TNR: variants seen among roughly 807,000 people sequenced by gnomAD.
TNR encodes the protein tenascin R.
TNR carries 45 observed loss-of-function variants against 150.4 expected under a neutral mutation model. The ratio of observed to expected loss-of-function variants is 0.30; its 90% CI spans 0.24 to 0.38. The LOEUF (loss-of-function observed/expected upper bound fraction) is 0.38, where lower values mean the gene tolerates loss of function less well. TNR is among the 10% of genes least tolerant of loss of function. The probability of loss-of-function intolerance (pLI) is 1.00; values close to 1 mark genes in which losing one functional copy is unlikely to be tolerated. For missense variants in TNR, 1,544 were observed against 1,759.1 expected (o/e 0.88, Z 2.19); for synonymous variants, 687 against 678.4 (o/e 1.01, Z -0.20).
chr1:175,335,865 A>G, intron 19 of TNR, 58 bp from the exon 20 acceptor site: 2 of 1,470,280 alleles, frequency 1.4e-6, no homozygotes, highest in Non-Finnish European at 1.9e-6. Context: ...ACCCAAAGAG[A>G]TGCTAAGGAA....
chr1:175,629,664 G>A (rs531757058), intron 1 of TNR, among the ~76,000 whole-genome samples: 7 of 152,136 alleles, frequency 4.6e-5, no homozygotes, highest in Non-Finnish European at 1.0e-4. Context: ...CGGCCTCAGA[G>A]TCAGTACTGA....
At position 175,330,999 on chromosome 1, in the gene TNR, T is replaced by TTCTC. The variant is rs1437406046; in HGVS notation, c.3632-765_3632-764insGAGA. 2.4e-4 allele frequency among the ~76,000 whole-genome samples: 5 copies of TTCTC among 20,800 alleles called. No individual in the cohort carries two copies. The South Asian group carries it at 6.1e-3, about 25-fold the overall frequency. The allele number at this position is 20,800 out of a possible 152,430, so 13.6% of individuals were successfully genotyped here. On this transcript the variant is annotated intron_variant, in intron 20 of 22. Transcript: ENST00000367674. ...GCAGAGTCCAGATCCCTCTTGGTGA[T>TTCTC]TCTTTCTTTCTTTCTTTCTTTCTTT...
rs1293717176 is a variant in TNR at position 175,396,701 on chromosome 1, C to T, written c.1083G>A (p.Pro361=). 4.3e-6 allele frequency: 7 copies of T among 1,614,090 alleles called. No homozygotes were observed. Among genetic ancestry groups the T allele is most frequent in the Admixed American group, 1.7e-5 (1 of 60,010 alleles). The change falls in exon 5 of 23, where the codon CCG becomes CCA. Residue 361 remains proline, a synonymous_variant. Transcript: ENST00000367674. ...AVTEYVISYQ[P]TALGGLQLQQ... Reference sequence around the variant, plus strand: ...GGAGCTGGAGGCCCCCCAGGGCCGTCGGCTGGTAAGAGATCACATATTCCG... The same window carrying T: ...GGAGCTGGAGGCCCCCCAGGGCCGTTGGCTGGTAAGAGATCACATATTCCG...
At chr1:175,440,071 C>A (rs572196934) in intron 2 of TNR, among the ~76,000 whole-genome samples, 5 of 152,274 alleles carry the variant, frequency 3.3e-5, no homozygotes, top group Admixed American at 3.3e-4. Flanking sequence ...AAGACACATG[C>A]ACAGGTATGT....
At chr1:175,531,046 C>A (rs1010130175) in intron 1 of TNR, among the ~76,000 whole-genome samples, 3 of 152,190 alleles carry the variant, frequency 2.0e-5, no homozygotes, top group Non-Finnish European at 2.9e-5. Context: ...TCAGGGCATG[C>A]ACCTCCAAAG....
intron 2 of TNR, among the ~76,000 whole-genome samples, chr1:175,467,857 T>C (rs1390568426): frequency 6.6e-6 from 1 of 152,212 alleles, no homozygotes; most frequent in Admixed American, 6.5e-5. Context: ...TACTCGTTAA[T>C]ATATAAAGGA....
intron 1 of TNR, among the ~76,000 whole-genome samples, chr1:175,650,603 C>T (rs1290104804): frequency 6.6e-6 from 1 of 151,216 alleles, no homozygotes; most frequent in Non-Finnish European, 1.5e-5. Flanking sequence ...ACTAAACTTT[C>T]CCTACCTCCT....
At chr1:175,569,963 T>C (rs1661796478) in intron 1 of TNR, among the ~76,000 whole-genome samples, 1 of 152,216 alleles carries the variant, frequency 6.6e-6, no homozygotes, top group Non-Finnish European at 1.5e-5. Flanking sequence ...AAACAATGGC[T>C]GTACATTTGA....
chr1:175,587,908 G>A (rs1662638833), intron 1 of TNR, among the ~76,000 whole-genome samples: 1 of 152,208 alleles, frequency 6.6e-6, no homozygotes. Flanking sequence ...AGCAAACAGT[G>A]AGGGCCACTC....
intron 1 of TNR, among the ~76,000 whole-genome samples, chr1:175,696,232 T>TGTTGTTGTTG (rs1558077902): frequency 7.9e-6 from 1 of 126,116 alleles, no homozygotes; most frequent in African/African-American, 3.3e-5. Context: ...TTTTTTTTTT[T>TGTTGTTGTTG]TTTTTTTTTT....
chr1:175,347,997 T>G (rs1650877524), intron 18 of TNR, among the ~76,000 whole-genome samples: 1 of 152,024 alleles, frequency 6.6e-6, no homozygotes, highest in South Asian at 2.1e-4. Flanking sequence ...CATAAAACAT[T>G]TACCTAAAAA....
In TNR at chr1:175,423,691, G is replaced by T. The variant is rs575377157; in HGVS notation, c.-63-16914C>A. 8.1e-4 allele frequency among the ~76,000 whole-genome samples: 123 copies of T among 152,342 alleles called. 1 individual carries two copies. The highest frequency in any genetic ancestry group is 4.4e-3 in the Admixed American group (67 of 15,310). ...CCTGGATACAGCAGCTGGACCTGAA[G>T]CTTCAGAGGCAAGCATCACAGTCCA... is the stretch of plus-strand genomic sequence containing the variant. On this transcript the variant is annotated intron_variant, in intron 2 of 22. Coordinates refer to ENST00000367674, the MANE Select transcript of TNR (RefSeq NM_003285.3).
intron 1 of TNR, among the ~76,000 whole-genome samples, chr1:175,653,089 G>A (rs1571717212): frequency 6.6e-6 from 1 of 152,222 alleles, no homozygotes; most frequent in African/African-American, 2.4e-5. Context: ...AAAGGGCACA[G>A]CGACTCTGGA....
intron 1 of TNR, among the ~76,000 whole-genome samples, chr1:175,558,441 C>G (rs1181985227): frequency 6.6e-6 from 1 of 152,112 alleles, no homozygotes; most frequent in Non-Finnish European, 1.5e-5. Flanking sequence ...CTATTATTAT[C>G]TACACTATAA....
intron 2 of TNR, among the ~76,000 whole-genome samples, chr1:175,442,306 G>A (rs77404983): frequency 0.02 from 2,999 of 152,200 alleles, 59 homozygotes; most frequent in South Asian, 0.035. Flanking sequence ...AGGACAAGAC[G>A]ACCCCCCATC....
At chr1:175,485,981 G>C (rs1657995787) in intron 2 of TNR, among the ~76,000 whole-genome samples, 1 of 152,112 alleles carries the variant, frequency 6.6e-6, no homozygotes, top group Admixed American at 6.6e-5. Context: ...CCTACCCAAA[G>C]TCACTCTAAG....
intron 2 of TNR, among the ~76,000 whole-genome samples, chr1:175,440,929 G>A (rs983450307): frequency 5.9e-5 from 9 of 152,126 alleles, no homozygotes; most frequent in African/African-American, 2.2e-4. Context: ...GAAGGGGGCT[G>A]GTTTTAGATA....
intron 2 of TNR, among the ~76,000 whole-genome samples, chr1:175,494,960 G>A (rs77367059): frequency 5.3e-5 from 8 of 152,136 alleles, no homozygotes; most frequent in African/African-American, 1.7e-4. Context: ...GGTCGGTCAT[G>A]GTCCTCTAGG....
intron 2 of TNR, among the ~76,000 whole-genome samples, chr1:175,440,065 C>T (rs1201339477): frequency 6.6e-6 from 1 of 152,148 alleles, no homozygotes; most frequent in Non-Finnish European, 1.5e-5. Flanking sequence ...GCTATCAAGA[C>T]ACATGCACAG....
Sources: gnomAD v4.1 joint callset for allele counts (sites outside exome capture counted in the v4.1 genomes callset) on GRCh38, gnomAD v4.1.1 for gene constraint, MANE v1.5 for transcripts, NCBI Gene and HGNC (gene_info 2026-07-23, HGNC 2026-07-21) for gene names.